The following AKAP13 variants were observed in gnomAD, a reference collection of about 807,000 sequenced individuals.
AKAP13 encodes A-kinase anchoring protein 13.
In AKAP13, 80 loss-of-function variants were observed where a neutral mutation model predicts 264.5. The ratio of observed to expected loss-of-function variants is 0.30; its 90% CI spans 0.25 to 0.36. The LOEUF is 0.36. Among genes scored for constraint, AKAP13 ranks in the 10% least tolerant of loss-of-function variants. The pLI, the probability that AKAP13 is intolerant of heterozygous loss-of-function variation, is 1.00. For missense variants in AKAP13, 3,712 were observed against 3,435.2 expected, an observed-to-expected ratio of 1.08 and a Z score of -2.01; for synonymous variants, 1,380 against 1,250.2, an observed-to-expected ratio of 1.10 and a Z score of -2.19.
chr15:85,475,950 C>G (rs557723201), intron 1 of AKAP13, among the ~76,000 whole-genome samples: 4 of 152,114 alleles, frequency 2.6e-5, no homozygotes, highest in African/African-American at 9.6e-5. Context: ...GTGGAGGGTG[C>G]TACAGGAGAC....
chr15:85,383,048 C>G (rs532024672), intron 1 of AKAP13, among the ~76,000 whole-genome samples: 15 of 152,198 alleles, frequency 9.9e-5, no homozygotes, highest in East Asian at 9.6e-4. Flanking sequence ...TCAGCCCCCC[C>G]CTTTTTGTGA....
At position 85,746,738 on chromosome 15, in the gene AKAP13, C is replaced by T. The variant is rs1597258841; in HGVS notation, c.*2061C>T. The T allele has an allele frequency of 6.6e-6, 1 of 152,342 alleles. No homozygotes were observed. The highest frequency in any genetic ancestry group is 1.5e-5 in the Non-Finnish European group (1 of 68,048). The allele number at this position is 152,342 out of a possible 1,614,324, so 9.4% of individuals were successfully genotyped here. On this transcript the variant is annotated 3_prime_UTR_variant, in exon 37 of 37. Coordinates refer to ENST00000394518, the MANE Select transcript of AKAP13 (RefSeq NM_007200.5). ...TCTGTCGTGACTTTCCTGAGATCTA[C>T]CCGGGGCTTGGCTGTCTGTTCTGGG...
chr15:85,570,194 T>C (rs568497557), intron 5 of AKAP13, among the ~76,000 whole-genome samples: 1 of 152,088 alleles, frequency 6.6e-6, no homozygotes, highest in African/African-American at 2.4e-5. Context: ...CTGACGCCTG[T>C]AATCCCAGCA....
chr15:85,584,879 G>T (rs1229648602), intron 7 of AKAP13, among the ~76,000 whole-genome samples: 1 of 152,174 alleles, frequency 6.6e-6, no homozygotes, highest in African/African-American at 2.4e-5. Flanking sequence ...TTTGCATTTG[G>T]ATTATTAAGG....
intron 36 of AKAP13, chr15:85,744,317 C>G: frequency 2.8e-6 from 1 of 352,278 alleles, no homozygotes; most frequent in Non-Finnish European, 5.2e-6. Flanking sequence ...ACCACTTTTT[C>G]CCCTGAATCC....
intron 11 of AKAP13, among the ~76,000 whole-genome samples, chr15:85,657,889 A>G (rs2083173935): frequency 6.6e-6 from 1 of 152,084 alleles, no homozygotes; most frequent in Non-Finnish European, 1.5e-5. Flanking sequence ...TTTCTTTATA[A>G]TCCACTATGG....
rs375505512 is a variant in AKAP13, at chr15:85,628,053, A to G, written c.4162-11321A>G. Among the ~76,000 whole-genome samples, 43 of 152,236 alleles carry G rather than the reference A, an allele frequency of 2.8e-4. No homozygotes were observed. In the East Asian group the frequency reaches 3.3e-3, roughly 12 times the overall value. On this transcript the variant is annotated intron_variant, in intron 8 of 36. Coordinates refer to ENST00000394518, the MANE Select transcript of AKAP13 (RefSeq NM_007200.5). ...GTGGATTTTAGCTATTTGTGTACCT[A>G]TTGTATTACACAAATTAATCAGTGT...
rs11407996 is a variant in AKAP13 at position 85,736,912 on chromosome 15, C to CTTT, written c.7557+798_7557+800dup. 4.7e-3 allele frequency among the ~76,000 whole-genome samples: 463 copies of CTTT among 97,908 alleles called. 19 individuals are homozygous for CTTT. The highest frequency in any genetic ancestry group is 9.5e-3 in the African/African-American group (233 of 24,438). The allele number at this position is 97,908 out of a possible 152,430, so 64.2% of individuals were successfully genotyped here. ...TCAAGTACTCAAGTTATATCATCATCTTTTTTTTTTTTTTTTTTTTTTCTG... is the reference window on the plus strand; with the variant it reads ...TCAAGTACTCAAGTTATATCATCATCTTTTTTTTTTTTTTTTTTTTTTTTTCTG... On this transcript the variant is annotated intron_variant, in intron 33 of 36. Transcript: ENST00000394518.
intron 1 of AKAP13, among the ~76,000 whole-genome samples, chr15:85,396,002 A>G (rs1008634748): frequency 7.0e-6 from 1 of 142,954 alleles, no homozygotes. Context: ...GGATGAATGA[A>G]TTTTTGACTA....
At chr15:85,626,946 C>T (rs2081437376) in intron 8 of AKAP13, among the ~76,000 whole-genome samples, 1 of 152,136 alleles carries the variant, frequency 6.6e-6, no homozygotes, top group Non-Finnish European at 1.5e-5. Flanking sequence ...GATGGCTGTC[C>T]TGTTGGATAT....
At chr15:85,395,502 C>A (rs2071067327) in intron 1 of AKAP13, among the ~76,000 whole-genome samples, 1 of 152,110 alleles carries the variant, frequency 6.6e-6, no homozygotes, top group Non-Finnish European at 1.5e-5. Context: ...TTGAGTAATA[C>A]TATATATGAA....
At chr15:85,681,442 C>T (rs1463171989) in intron 14 of AKAP13, among the ~76,000 whole-genome samples, 1 of 151,960 alleles carries the variant, frequency 6.6e-6, no homozygotes, top group Non-Finnish European at 1.5e-5. Flanking sequence ...TTCATATTGC[C>T]CTATCTGACA....
At chr15:85,524,805 A>C (rs2076962112) in intron 3 of AKAP13, among the ~76,000 whole-genome samples, 1 of 151,542 alleles carries the variant, frequency 6.6e-6, no homozygotes, top group African/African-American at 2.4e-5. Context: ...TTTTGTAATA[A>C]GTCCTACAAT....
At chr15:85,533,174 CTGTTA>C (rs2077294036) in intron 3 of AKAP13, among the ~76,000 whole-genome samples, 1 of 152,036 alleles carries the variant, frequency 6.6e-6, no homozygotes, top group African/African-American at 2.4e-5. Context: ...ATATTTTTTC[CTGTTA>C]TGTTTTCAGA....
chr15:85,388,978 C>T (rs992403863), intron 1 of AKAP13, among the ~76,000 whole-genome samples: 4 of 152,202 alleles, frequency 2.6e-5, no homozygotes, highest in Admixed American at 6.5e-5. Context: ...CACCCCATTA[C>T]TAAGGCATGA....
At chr15:85,601,259 G>A (rs1473541063) in intron 8 of AKAP13, among the ~76,000 whole-genome samples, 1 of 152,122 alleles carries the variant, frequency 6.6e-6, no homozygotes, top group Non-Finnish European at 1.5e-5. Flanking sequence ...AGTCCCTTAG[G>A]AAGTACCTTT....
chr15:85,599,026 G>A (rs1179469298), intron 8 of AKAP13, among the ~76,000 whole-genome samples: 1 of 152,182 alleles, frequency 6.6e-6, no homozygotes, highest in African/African-American at 2.4e-5. Flanking sequence ...TCCTTCCCAG[G>A]AGTCATTAGG....
intron 1 of AKAP13, among the ~76,000 whole-genome samples, chr15:85,434,016 G>C (rs1405719403): frequency 1.3e-5 from 2 of 151,986 alleles, no homozygotes; most frequent in Non-Finnish European, 2.9e-5. Flanking sequence ...AGCTCCCAGC[G>C]TGAGCGACGC....
At position 85,749,266 on chromosome 15, in the gene AKAP13, T is replaced by C. The variant is rs1463524702; in HGVS notation, c.*4589T>C. 1.3e-5 allele frequency: 2 copies of C among 152,144 alleles called. No homozygotes were observed. The highest frequency in any genetic ancestry group is 4.8e-5 in the African/African-American group (2 of 41,466). 9.4% of individuals were successfully genotyped at this position (152,144 alleles called of 1,614,324 possible). On this transcript the variant is annotated 3_prime_UTR_variant, in exon 37 of 37. Coordinates refer to ENST00000394518, the MANE Select transcript of AKAP13 (RefSeq NM_007200.5). ...TTGCCACAACATACTGGCTTCGTAT[T>C]TTATTTATCTTTCTTTCTAGTTACC...
Sources: allele counts gnomAD v4.1 joint callset (sites outside exome capture counted in the v4.1 genomes callset), GRCh38; gene constraint gnomAD v4.1.1; transcripts MANE v1.5; gene names NCBI Gene and HGNC (gene_info 2026-07-23, HGNC 2026-07-21).